The following ZFYVE19 variants were observed in gnomAD, a reference collection of about 807,000 sequenced individuals.
ZFYVE19 encodes the protein zinc finger FYVE-type containing 19.
Under a neutral mutation model 62.8 loss-of-function variants are expected in ZFYVE19, and 49 were observed. The observed-to-expected ratio is 0.78, with a 90% CI of 0.62 to 0.99. ZFYVE19 has a LOEUF of 0.99. ZFYVE19 is among the 50% of genes least tolerant of loss of function. ZFYVE19 has a pLI of 0.00. For synonymous variants in ZFYVE19, 242 were observed against 234.3 expected (o/e 1.03, Z -0.30); for missense variants, 630 against 601.9 (o/e 1.05, Z -0.49).
In ZFYVE19 at chr15:40,814,207, G is replaced by A. The variant is rs976484357; in HGVS notation, c.1397G>A (p.Arg466His). 12 of 1,614,032 alleles carry A rather than the reference G, an allele frequency of 7.4e-6. No homozygotes were observed. The highest frequency in any genetic ancestry group is 2.2e-5 in the South Asian group (2 of 91,080). Residue 466 changes from arginine to histidine, a missense_variant, in exon 11 of 11, where the codon CGT becomes CAT. Coordinates refer to ENST00000355341, the MANE Select transcript of ZFYVE19 (RefSeq NM_001077268.2). ...CAGACATCTGCCTACTCTCCTCCAC[G>A]TGCAGGCCAAGAGCACTGAAGACAC... ...EHQTSAYSPP[R>H]AGQEH
At chr15:40,808,238 T>A (rs1427771637) in intron 1 of ZFYVE19, 3 of 1,595,482 alleles carry the variant, frequency 1.9e-6, no homozygotes, top group Admixed American at 3.3e-5. Flanking sequence ...TGCTCTGAAA[T>A]CTTCCCCATC....
chr15:40,810,644 T>TGCAGGC lies in ZFYVE19; in HGVS notation c.718-4_719dup. On this transcript the variant is annotated splice_region_variant and splice_polypyrimidine_tract_variant and intron_variant, in intron 5 of 10. Transcript: ENST00000355341. ...CTCTCCACTGAGGTTTCCTCGTCTG[T>TGCAGGC]GCAGGCACATCACACACCGGACACC... The TGCAGGC allele has an allele frequency of 1.3e-6, 2 of 1,561,178 alleles. No homozygotes were observed. The highest frequency in any genetic ancestry group is 2.7e-5 in the African/African-American group (2 of 73,776).
At chr15:40,809,271 C>A in intron 2 of ZFYVE19, 31 bp downstream of exon 2, 1 of 1,612,998 alleles carries the variant, frequency 6.2e-7, no homozygotes, top group Non-Finnish European at 8.5e-7. Context: ...AAAGTTCAGC[C>A]AAGTATGGCA....
At chr15:40,813,256 TG>T in intron 7 of ZFYVE19, 81 bp from the exon 8 acceptor site, 1 of 1,390,560 alleles carries the variant, frequency 7.2e-7, no homozygotes, top group Non-Finnish European at 1.0e-6. Context: ...GAACCAGTTC[TG>T]GGAGGCAGGA....
chr15:40,813,503 CTG>C (rs1890564677), intron 8 of ZFYVE19, 86 bp downstream of exon 8: 5 of 1,408,794 alleles, frequency 3.5e-6, no homozygotes, highest in Non-Finnish European at 4.9e-6. Flanking sequence ...TGGACAGTAA[CTG>C]TGAAGCTCCT....
chr15:40,811,212 C>T, intron 6 of ZFYVE19: 1 of 223,592 alleles, frequency 4.5e-6, no homozygotes, highest in Non-Finnish European at 9.0e-6. Flanking sequence ...AGCCACATCT[C>T]AATGCTCAGT....
In ZFYVE19 at chr15:40,807,620, C is replaced by G; in HGVS notation, c.31C>G (p.Pro11Ala). MNYDSQQPPL[P>A]PLPYAGCRRA... ...CTACGACTCCCAGCAGCCCCCGTTG[C>G]CGCCGCTGCCGTACGCTGGCTGCAG... Residue 11 changes from proline to alanine, a missense_variant, in exon 1 of 11, where the codon CCG becomes GCG. Pro to Ala is a conservative substitution (Grantham distance 27). Coordinates refer to ENST00000355341, the MANE Select transcript of ZFYVE19 (RefSeq NM_001077268.2). 6.2e-7 allele frequency: 1 copy of G among 1,612,818 alleles called. No homozygotes were observed. The highest frequency in any genetic ancestry group is 8.5e-7 in the Non-Finnish European group (1 of 1,179,574).
intron 4 of ZFYVE19, 35 bp downstream of exon 4, chr15:40,810,005 C>G: frequency 6.2e-7 from 1 of 1,614,092 alleles, no homozygotes; most frequent in East Asian, 2.2e-5. Flanking sequence ...CTAGAGGACA[C>G]AGTCCAGGGC....
intron 7 of ZFYVE19, 38 bp from the exon 8 acceptor site, chr15:40,813,300 A>C (rs1596119290): frequency 6.3e-7 from 1 of 1,595,938 alleles, no homozygotes; most frequent in Non-Finnish European, 8.6e-7. Flanking sequence ...TCTCACTCTC[A>C]CTCCCCCATC....
chr15:40,810,302 A>T, intron 5 of ZFYVE19, 86 bp downstream of exon 5: 2 of 1,539,092 alleles, frequency 1.3e-6, no homozygotes, highest in Non-Finnish European at 1.7e-6. Flanking sequence ...GGTGATACAA[A>T]AGTAATTGTG....
rs1890610874 is a variant in ZFYVE19, at chr15:40,814,513, G to T, written c.*287G>T. The T allele has an allele frequency of 6.1e-6, 3 of 492,372 alleles. No individual in the cohort carries two copies. In the Admixed American group the frequency reaches 9.9e-5, roughly 16 times the overall value. The allele number at this position is 492,372 out of a possible 1,614,324, so 30.5% of individuals were successfully genotyped here. A position where few individuals can be genotyped will look rare whatever the true frequency, so the allele number is the denominator to read the frequency against. On this transcript the variant is annotated 3_prime_UTR_variant, in exon 11 of 11. Coordinates refer to ENST00000355341, the MANE Select transcript of ZFYVE19 (RefSeq NM_001077268.2). Reference sequence around the variant, plus strand: ...GTGAGCCCTGTAACCTGGCTCTAGGGCACAGGCCCCTCCCCTGGCACTTAG... The same window carrying T: ...GTGAGCCCTGTAACCTGGCTCTAGGTCACAGGCCCCTCCCCTGGCACTTAG...
chr15:40,807,574 A>T lies in ZFYVE19; in HGVS notation c.-16A>T. 6.2e-7 allele frequency: 1 copy of T among 1,609,190 alleles called. No individual in the cohort carries two copies. Among genetic ancestry groups the T allele is most frequent in the Non-Finnish European group, 8.5e-7 (1 of 1,177,302 alleles). ...GGTCAGGCTTGACTGACTCTGAGGG[A>T]GGCCGGCAGTCGTGAATGAACTACG... On this transcript the variant is annotated 5_prime_UTR_variant, in exon 1 of 11. Transcript: ENST00000355341.
At position 40,807,235 on chromosome 15, in the gene ZFYVE19, G is replaced by C; in HGVS notation, c.-355G>C. On this transcript the variant is annotated 5_prime_UTR_variant, in exon 1 of 11. Coordinates refer to ENST00000355341, the MANE Select transcript of ZFYVE19 (RefSeq NM_001077268.2). Reference sequence around the variant, plus strand: ...ATGTCTGGGAGCCCGCCTGCGGAGGGCATAGCGCCGACCCTCGCTCCCCGC... The same window carrying C: ...ATGTCTGGGAGCCCGCCTGCGGAGGCCATAGCGCCGACCCTCGCTCCCCGC... 6.4e-7 allele frequency: 1 copy of C among 1,560,046 alleles called. No homozygotes were observed. Among genetic ancestry groups the C allele is most frequent in the Non-Finnish European group, 8.7e-7 (1 of 1,153,612 alleles).
rs372984764 is a variant in ZFYVE19 at position 40,814,050 on chromosome 15, C to G, written c.1317C>G (p.Leu439=). ...GCTGCGCTGGCTGCGATGGGGACCTCTTCTGTGCCCGCTGCTTCCGGTGGG... is the reference window on the plus strand; with the variant it reads ...GCTGCGCTGGCTGCGATGGGGACCTGTTCTGTGCCCGCTGCTTCCGGTGGG... ...TLRCAGCDGD[L]FCARCFREGH... Residue 439 remains leucine (L), a synonymous_variant, in exon 10 of 11, where the codon CTC becomes CTG. Coordinates refer to ENST00000355341, the MANE Select transcript of ZFYVE19 (RefSeq NM_001077268.2). 43 of 1,614,106 alleles carry G rather than the reference C, an allele frequency of 2.7e-5. No homozygotes were observed. The African/African-American group carries it at 4.0e-4, about 15-fold the overall frequency.
chr15:40,810,590 T>C, intron 5 of ZFYVE19, 59 bp from the exon 6 acceptor site: 1 of 1,546,278 alleles, frequency 6.5e-7, no homozygotes, highest in Non-Finnish European at 8.7e-7. Flanking sequence ...CATCCATCCC[T>C]GACCTAGACT....
chr15:40,812,947 G>T, intron 7 of ZFYVE19, 45 bp downstream of exon 7: 2 of 1,596,770 alleles, frequency 1.3e-6, no homozygotes, highest in East Asian at 2.2e-5. Flanking sequence ...CTTGGTCAAG[G>T]CCTCCCTGGC....
rs774240563 is a variant in ZFYVE19, at chr15:40,813,784, G to T, written c.1182G>T (p.Trp394Cys). ...CTGCAGAGCAGGCTTCTCGACCCTGGACGCAACCCCGCGGGGCAGAGCCTG... is the reference window on the plus strand; with the variant it reads ...CTGCAGAGCAGGCTTCTCGACCCTGTACGCAACCCCGCGGGGCAGAGCCTG... ...NIPAEQASRP[W>C]TQPRGAEPEA... Residue 394 changes from tryptophan to cysteine, a missense_variant, in exon 9 of 11, where the codon TGG (tryptophan) becomes TGT (cysteine). Trp to Cys is a radical substitution (Grantham distance 215, BLOSUM62 -2). Transcript: ENST00000355341. The T allele has an allele frequency of 3.3e-5, 53 of 1,613,950 alleles. No homozygotes were observed. Among genetic ancestry groups the T allele is most frequent in the Non-Finnish European group, 4.4e-5 (52 of 1,180,020 alleles).
chr15:40,807,738 G>A lies in ZFYVE19; in HGVS notation c.149G>A (p.Trp50Ter), dbSNP rs537699749. The stretch of plus-strand genomic sequence containing the variant: ...GGGCAGGGAAGGGAAGGGCGGAGCT[G>A]GGGTGAGGGTCCAAGGGGCCCAGGA... Reference protein sequence around the residue: ...GAGQGREGRSWGEGPRGPGLG... With the variant: ...GAGQGREGRS The change falls in exon 1 of 11, where the codon TGG (tryptophan) becomes TAG (stop). Residue 50 changes from tryptophan (W) to a stop codon, truncating the protein, a stop_gained. Transcript: ENST00000355341. LOFTEE classifies it high-confidence loss of function. 26 of 1,595,704 alleles carry A rather than the reference G, an allele frequency of 1.6e-5. No homozygotes were observed. The South Asian group carries it at 2.7e-4, about 17-fold the overall frequency.
At position 40,809,437 on chromosome 15, in the gene ZFYVE19, C is replaced by A; in HGVS notation, c.431C>A (p.Ser144Ter). ...RGSSANASKW[S>*]PPQNYKKRVA... ...TCTTCTGCCAATGCCTCCAAGTGGT[C>A]ACCACCTCAGAACTATAAGAAGTAA... is the stretch of plus-strand genomic sequence containing the variant. The change falls in exon 3 of 11, where the codon TCA (serine) becomes TAA (stop). Residue 144 changes from serine to a stop codon, truncating the protein, a stop_gained. Transcript: ENST00000355341. LOFTEE classifies it high-confidence loss of function. 1 of 1,614,126 alleles carries A rather than the reference C, an allele frequency of 6.2e-7. No homozygotes were observed. The highest frequency in any genetic ancestry group is 1.1e-5 in the South Asian group (1 of 91,056).
Sources: allele counts gnomAD v4.1 joint callset, GRCh38; gene constraint gnomAD v4.1.1; transcripts MANE v1.5; gene names NCBI Gene and HGNC (gene_info 2026-07-23, HGNC 2026-07-21).